ENTPD1: variants seen among roughly 807,000 people sequenced by gnomAD.
The protein encoded by ENTPD1 is ectonucleoside triphosphate diphosphohydrolase 1, also known as ATP diphosphohydrolase.
A neutral mutation model predicts 57.0 loss-of-function variants in ENTPD1; 33 were observed. That is an observed-to-expected ratio of 0.58 (90% CI 0.44 to 0.77). The LOEUF is 0.77. Among genes scored for constraint, ENTPD1 ranks in the 30% least tolerant of loss-of-function variants. ENTPD1 has a pLI of 0.00. For missense variants in ENTPD1, 501 were observed against 603.4 expected (o/e 0.83, Z 1.78); for synonymous variants, 202 against 218.8 (o/e 0.92, Z 0.68).
intron 1 of ENTPD1, among the ~76,000 whole-genome samples, chr10:95,805,146 G>C (rs1448358240): frequency 1.3e-5 from 2 of 152,128 alleles, no homozygotes; most frequent in African/African-American, 4.8e-5. Context: ...AGGTCTCTAA[G>C]GACTTGCTTT....
In ENTPD1 at chr10:95,823,369, G is replaced by C; in HGVS notation, c.144+5G>C. 1 of 1,614,006 alleles carries C rather than the reference G, an allele frequency of 6.2e-7. No individual in the cohort carries two copies. Among genetic ancestry groups the C allele is most frequent in the African/African-American group, 1.3e-5 (1 of 75,060 alleles). On this transcript the variant is annotated splice_donor_5th_base_variant and intron_variant, in intron 2 of 9. Coordinates refer to ENST00000371205, the MANE Select transcript of ENTPD1 (RefSeq NM_001776.6). ...GCATTGCCAGAAAACGTTAAGGTAAGTCAAATATATCTGTGTGTTTGTGTG... is the reference window on the plus strand; with the variant it reads ...GCATTGCCAGAAAACGTTAAGGTAACTCAAATATATCTGTGTGTTTGTGTG...
intron 2 of ENTPD1, chr10:95,833,597 A>G (rs1573112): frequency 0.5 from 76,389 of 152,120 alleles, 19,685 homozygotes; most frequent in Admixed American, 0.6. Flanking sequence ...TGAAAAGTTA[A>G]TGATCATACT....
chr10:95,792,867 C>G (rs549026534), intron 1 of ENTPD1, among the ~76,000 whole-genome samples: 2 of 152,314 alleles, frequency 1.3e-5, no homozygotes, highest in South Asian at 2.1e-4. Context: ...GCTCTGCATT[C>G]ATCTGAATTC....
intron 2 of ENTPD1, among the ~76,000 whole-genome samples, chr10:95,825,997 G>A (rs2098374681): frequency 6.6e-6 from 1 of 152,026 alleles, no homozygotes; most frequent in Admixed American, 6.6e-5. Flanking sequence ...CTCCAGTCTG[G>A]CTGACAGAGT....
chr10:95,792,071 T>TG (rs2098206407), intron 1 of ENTPD1, among the ~76,000 whole-genome samples: 2 of 150,660 alleles, frequency 1.3e-5, no homozygotes, highest in South Asian at 4.2e-4. Context: ...CTTGCATAGT[T>TG]AAAAAAAAAC....
At chr10:95,743,142 CTT>C (rs1181851696) in intron 1 of ENTPD1, among the ~76,000 whole-genome samples, 1 of 152,140 alleles carries the variant, frequency 6.6e-6, no homozygotes, top group African/African-American at 2.4e-5. Flanking sequence ...ATTTCTCAGA[CTT>C]TTTATTTTTG....
At chr10:95,745,162 C>G (rs1170307134) in intron 1 of ENTPD1, among the ~76,000 whole-genome samples, 1 of 152,024 alleles carries the variant, frequency 6.6e-6, no homozygotes, top group Admixed American at 6.6e-5. Context: ...TTTGAAGCAG[C>G]AATAACATCT....
chr10:95,747,107 A>C (rs2098006840), intron 1 of ENTPD1, among the ~76,000 whole-genome samples: 1 of 152,226 alleles, frequency 6.6e-6, no homozygotes, highest in South Asian at 2.1e-4. Context: ...ATAACATGTA[A>C]CATTTTACCC....
chr10:95,857,708 C>T lies in ENTPD1; in HGVS notation c.1075-2761C>T, dbSNP rs144961479. Among the ~76,000 whole-genome samples the T allele has an allele frequency of 3.4e-3, 513 of 152,282 alleles. 2 individuals are homozygous for T. The highest frequency in any genetic ancestry group is 0.012 in the African/African-American group (485 of 41,556). On this transcript the variant is annotated intron_variant, in intron 7 of 9. Transcript: ENST00000371205. ...AGAGCAGTTTTCTGCCACTTATTTA[C>T]GGAGCACTCACATATGCCAAGTGCC...
At chr10:95,756,348 T>G in intron 1 of ENTPD1, 93 bp downstream of exon 1, 1 of 1,394,408 alleles carries the variant, frequency 7.2e-7, no homozygotes, top group Non-Finnish European at 9.8e-7. Flanking sequence ...ACTTGAAAGC[T>G]GGAGGCAAAA....
At chr10:95,714,964 C>A (rs573519242) in intron 1 of ENTPD1, among the ~76,000 whole-genome samples, 1 of 152,220 alleles carries the variant, frequency 6.6e-6, no homozygotes, top group South Asian at 2.1e-4. Flanking sequence ...TGCAAAAGGA[C>A]AACGGGAATG....
intron 6 of ENTPD1, among the ~76,000 whole-genome samples, chr10:95,846,620 G>A (rs2098436157): frequency 6.6e-6 from 1 of 152,126 alleles, no homozygotes; most frequent in African/African-American, 2.4e-5. Context: ...GACATCCACT[G>A]AGCCTCAAAG....
chr10:95,721,144 T>C (rs2097976975), intron 1 of ENTPD1, among the ~76,000 whole-genome samples: 1 of 152,176 alleles, frequency 6.6e-6, no homozygotes. Flanking sequence ...CCTCAGTGCC[T>C]CCCTTAGTCT....
At chr10:95,752,956 G>C (rs928996905), upstream of ENTPD1, among the ~76,000 whole-genome samples, 1 of 152,108 alleles carries the variant, frequency 6.6e-6, no homozygotes, top group Non-Finnish European at 1.5e-5. Flanking sequence ...AACAGAATTT[G>C]TTTTTAAGAA....
rs1054957788 is a variant in ENTPD1 at position 95,867,368 on chromosome 10, T to A, written c.*985T>A. On this transcript the variant is annotated 3_prime_UTR_variant, in exon 10 of 10. Transcript: ENST00000371205. ...TCAATACATTGTCTAGAGACAAGAC[T>A]ATCCTGGGTAGGCAGAAACCATAGA... 1.0e-6 allele frequency: 1 copy of A among 985,470 alleles called. No individual in the cohort carries two copies. Among genetic ancestry groups the A allele is most frequent in the Non-Finnish European group, 1.2e-6 (1 of 829,928 alleles). The allele number at this position is 985,470 out of a possible 1,614,324, so 61.0% of individuals were successfully genotyped here. A position where few individuals can be genotyped will look rare whatever the true frequency, so the allele number is the denominator to read the frequency against.
At chr10:95,744,004 A>ATG (rs2139883362) in intron 1 of ENTPD1, among the ~76,000 whole-genome samples, 1 of 72,282 alleles carries the variant, frequency 1.4e-5, no homozygotes, top group South Asian at 4.6e-4. Context: ...AACCATATAT[A>ATG]TATATATATA....
rs1449309930 is a variant in ENTPD1, at chr10:95,869,144, G to A, written c.*2761G>A. The stretch of plus-strand genomic sequence containing the variant: ...CTCAAAACTTGGTTCTGCTAACCCT[G>A]TTCCTTTATGAGGAACCTTTTAAAG... On this transcript the variant is annotated 3_prime_UTR_variant, in exon 10 of 10. Transcript: ENST00000371205. 4 of 982,660 alleles carry A rather than the reference G, an allele frequency of 4.1e-6. No homozygotes were observed. The highest frequency in any genetic ancestry group is 4.8e-6 in the Non-Finnish European group (4 of 829,594). The allele number at this position is 982,660 out of a possible 1,614,324, so 60.9% of individuals were successfully genotyped here. A position where few individuals can be genotyped will look rare whatever the true frequency, so the allele number is the denominator to read the frequency against.
Position 95,871,382 on chromosome 10 carries a change from A to G in ENTPD1, c.*4999A>G. The G allele has an allele frequency of 1.0e-6, 1 of 985,480 alleles. No homozygotes were observed. Among genetic ancestry groups the G allele is most frequent in the South Asian group, 4.7e-5 (1 of 21,290 alleles). The allele number at this position is 985,480 out of a possible 1,614,324, so 61.0% of individuals were successfully genotyped here. A position where few individuals can be genotyped will look rare whatever the true frequency, so the allele number is the denominator to read the frequency against. ...GCAACTTCTTTCCATAGCCTTAATC[A>G]GGATGCTGTGGCAGCTCCCACATTA... On this transcript the variant is annotated 3_prime_UTR_variant, in exon 10 of 10. Coordinates refer to ENST00000371205, the MANE Select transcript of ENTPD1 (RefSeq NM_001776.6).
intron 7 of ENTPD1, among the ~76,000 whole-genome samples, chr10:95,856,642 A>C (rs184303643): frequency 4.1e-5 from 5 of 122,240 alleles, no homozygotes; most frequent in African/African-American, 1.6e-4. Context: ...GTAAATATAT[A>C]TATGTATGCA....
Sources: allele counts gnomAD v4.1 joint callset (sites outside exome capture counted in the v4.1 genomes callset), GRCh38; gene constraint gnomAD v4.1.1; transcripts MANE v1.5; gene names NCBI Gene and HGNC (gene_info 2026-07-23, HGNC 2026-07-21).